The following PIGQ variants were observed in gnomAD, a reference collection of about 807,000 sequenced individuals.
PIGQ encodes phosphatidylinositol N-acetylglucosaminyltransferase subunit Q.
In PIGQ, 54 loss-of-function variants were observed where a neutral mutation model predicts 60.3. The ratio of observed to expected loss-of-function variants is 0.90; its 90% CI spans 0.72 to 1.12. The LOEUF is 1.12. Ranked by LOEUF, PIGQ falls within the 50% of genes most tolerant of loss-of-function variation. The probability of loss-of-function intolerance (pLI) is 0.00; values close to 1 mark genes in which losing one functional copy is unlikely to be tolerated. For missense variants in PIGQ, 799 were observed against 793.5 expected (o/e 1.01, Z -0.08); for synonymous variants, 416 against 363.7 (o/e 1.14, Z -1.64).
rs775378100 is a variant in PIGQ, at chr16:574,395, C to T, written c.321C>T (p.Cys107=). 5.0e-6 allele frequency: 8 copies of T among 1,610,270 alleles called. No individual in the cohort carries two copies. The highest frequency in any genetic ancestry group is 4.5e-5 in the East Asian group (2 of 44,814). ...AGAGAGGCGGCACGTTCTGGAGCTG[C>T]GAGGCCACCCACCGGCAAGCGCCCA... ...CRERGGTFWS[C]EATHRQAPTA... is the part of the protein sequence containing the mutation. The change falls in exon 2 of 11, where the codon TGC becomes TGT. Residue 107 remains cysteine (C), a synonymous_variant. Transcript: ENST00000321878.
At position 578,848 on chromosome 16, in the gene PIGQ, G is replaced by C. The variant is rs1452995669; in HGVS notation, c.1133G>C (p.Cys378Ser). ...HILWHVGLSA[C>S]LGLTVALSLL... is the part of the protein sequence containing the mutation. Reference sequence around the variant, plus strand: ...CTTTGGCACGTGGGCCTCTCGGCCTGCCTGGGCCTGACGGTGGCCCTGTCC... The same window carrying C: ...CTTTGGCACGTGGGCCTCTCGGCCTCCCTGGGCCTGACGGTGGCCCTGTCC... The change falls in exon 6 of 11, where the codon TGC becomes TCC. Residue 378 changes from cysteine to serine, a missense_variant. By Grantham distance (112) the Cys-to-Ser change is moderately radical (BLOSUM62 -1). Transcript: ENST00000321878. 8 of 1,613,658 alleles carry C rather than the reference G, an allele frequency of 5.0e-6. No homozygotes were observed. The highest frequency in any genetic ancestry group is 4.5e-5 in the East Asian group (2 of 44,890).
chr16:581,370 A>C (rs1596387370), intron 9 of PIGQ: 2 of 1,163,736 alleles, frequency 1.7e-6, no homozygotes, highest in Admixed American at 4.0e-5. Flanking sequence ...GTGCCGGAAA[A>C]CCCCGTCCAC....
Position 578,369 on chromosome 16 carries a change from G to A in PIGQ, c.943-10G>A, listed in dbSNP as rs372502282. Reference sequence around the variant, plus strand: ...GCCCCCGCCCCAGCGTGGCCCCTGTGTCCCTGCAGCACGTGGCCGAGGAGC... The same window carrying A: ...GCCCCCGCCCCAGCGTGGCCCCTGTATCCCTGCAGCACGTGGCCGAGGAGC... On this transcript the variant is annotated splice_polypyrimidine_tract_variant and intron_variant, in intron 4 of 10. Coordinates refer to ENST00000321878, the MANE Select transcript of PIGQ (RefSeq NM_004204.5). The A allele has an allele frequency of 1.8e-5, 29 of 1,606,422 alleles. No individual in the cohort carries two copies. Among genetic ancestry groups the A allele is most frequent in the Admixed American group, 6.7e-5 (4 of 59,824 alleles).
At chr16:571,571 CGTGTGTGT>C (rs4006743) in intron 1 of PIGQ, among the ~76,000 whole-genome samples, 4 of 87,298 alleles carry the variant, frequency 4.6e-5, no homozygotes, top group Non-Finnish European at 6.4e-5. Context: ...GCCTGGTGCC[CGTGTGTGT>C]GTGTGTGTGT....
At position 578,897 on chromosome 16, in the gene PIGQ, C is replaced by T. The variant is rs774840585; in HGVS notation, c.1182C>T (p.Leu394=). 5.6e-6 allele frequency: 9 copies of T among 1,613,458 alleles called. No homozygotes were observed. The South Asian group carries it at 9.9e-5, about 18-fold the overall frequency. ...CCCTCCTCTCGGACATTATCGCCCT[C>T]CTCACCTTCCACATCTACTGCTTTT... ...ALSLLSDIIA[L]LTFHIYCFYV... is the part of the protein sequence containing the mutation. Residue 394 remains leucine, a synonymous_variant, in exon 6 of 11, where the codon CTC becomes CTT. Coordinates refer to ENST00000321878, the MANE Select transcript of PIGQ (RefSeq NM_004204.5).
chr16:583,688 GC>G lies in PIGQ; in HGVS notation c.*655del. 2 of 1,598,178 alleles carry G rather than the reference GC, an allele frequency of 1.3e-6. No homozygotes were observed. The highest frequency in any genetic ancestry group is 1.7e-6 in the Non-Finnish European group (2 of 1,170,646). ...CCAGGCTGCTGTGGGGGCGGGAGCA[GC>G]CTCAGTGTCAAGGGCCCGCCCACTG... On this transcript the variant is annotated 3_prime_UTR_variant, in exon 11 of 11. Coordinates refer to ENST00000321878, the MANE Select transcript of PIGQ (RefSeq NM_004204.5).
intron 1 of PIGQ, among the ~76,000 whole-genome samples, chr16:571,772 G>A (rs543981589): frequency 1.2e-4 from 18 of 152,062 alleles, no homozygotes; most frequent in Non-Finnish European, 2.2e-4. Flanking sequence ...GCCGCCGACC[G>A]TCCCAGAGGC....
At chr16:575,210 C>T (rs1345303386) in intron 2 of PIGQ, among the ~76,000 whole-genome samples, 10 of 152,210 alleles carry the variant, frequency 6.6e-5, no homozygotes, top group African/African-American at 2.4e-4. Context: ...CACTTGCTGG[C>T]CCCGTGTGCC....
intron 4 of PIGQ, chr16:576,822 T>C (rs923923834): frequency 1.7e-5 from 5 of 301,628 alleles, no homozygotes; most frequent in Admixed American, 1.0e-4. Flanking sequence ...CCATGCTGCC[T>C]CTGGGCCTTC....
At chr16:579,263 AG>A (rs927914517) in intron 7 of PIGQ, 83 bp downstream of exon 7, 3 of 1,104,174 alleles carry the variant, frequency 2.7e-6, no homozygotes, top group Admixed American at 3.7e-5. Context: ...GGGCACCACA[AG>A]GGGGCAGCCT....
Position 583,379 on chromosome 16 carries a change from A to G in PIGQ, c.*344A>G. On this transcript the variant is annotated 3_prime_UTR_variant, in exon 11 of 11. Coordinates refer to ENST00000321878, the MANE Select transcript of PIGQ (RefSeq NM_004204.5). ...GTACCCAGGTCCAGAGGGTCCGTCC[A>G]CCACAGCAGCCCCAGGTGGAGGGCT... The G allele has an allele frequency of 6.2e-7, 1 of 1,612,420 alleles. No individual in the cohort carries two copies. The highest frequency in any genetic ancestry group is 8.5e-7 in the Non-Finnish European group (1 of 1,179,718).
Position 576,549 on chromosome 16 carries a change from T to C in PIGQ, c.942+295T>C, listed in dbSNP as rs114839511. ...TCCCTGTGGGCCCAGCGTCCTGGTATCTCCCTTGTGGTCCCTGAGATCAGC... is the reference window on the plus strand; with the variant it reads ...TCCCTGTGGGCCCAGCGTCCTGGTACCTCCCTTGTGGTCCCTGAGATCAGC... On this transcript the variant is annotated intron_variant, in intron 4 of 10. Coordinates refer to ENST00000321878, the MANE Select transcript of PIGQ (RefSeq NM_004204.5). 1,295 of 555,588 alleles carry C rather than the reference T, an allele frequency of 2.3e-3. 16 individuals carry two copies. The highest frequency in any genetic ancestry group is 0.022 in the African/African-American group (1,179 of 53,180). 34.4% of individuals were successfully genotyped at this position (555,588 alleles called of 1,614,324 possible).
intron 5 of PIGQ, 80 bp downstream of exon 5, chr16:578,585 T>C (rs1384881042): frequency 1.3e-6 from 2 of 1,510,886 alleles, no homozygotes; most frequent in African/African-American, 1.4e-5. Flanking sequence ...CCCCGCCCCC[T>C]GTGCCCCCAA....
intron 10 of PIGQ, 156 bp downstream of exon 10, chr16:582,465 C>G (rs2035829745): frequency 1.6e-6 from 1 of 609,982 alleles, no homozygotes; most frequent in South Asian, 2.1e-5. Flanking sequence ...ACGCGGGACC[C>G]CCTCCCCCTT....
At chr16:582,367 G>C in intron 10 of PIGQ, 58 bp downstream of exon 10, 2 of 1,271,608 alleles carry the variant, frequency 1.6e-6, no homozygotes, top group Non-Finnish European at 2.2e-6. Context: ...TGGGACGGTG[G>C]GGTCAGCTGG....
At chr16:575,450 T>A (rs1475380589) in intron 2 of PIGQ, among the ~76,000 whole-genome samples, 3 of 152,126 alleles carry the variant, frequency 2.0e-5, no homozygotes, top group Non-Finnish European at 4.4e-5. Flanking sequence ...GGGTGCATAC[T>A]CTGGAAGCCT....
chr16:572,946 C>G (rs2035658399), intron 1 of PIGQ, among the ~76,000 whole-genome samples: 1 of 152,238 alleles, frequency 6.6e-6, no homozygotes, highest in Admixed American at 6.5e-5. Flanking sequence ...GGTGGCCGCT[C>G]CACTCTTCGT....
intron 3 of PIGQ, 29 bp downstream of exon 3, chr16:575,999 C>T: frequency 6.4e-7 from 1 of 1,567,120 alleles, no homozygotes; most frequent in Non-Finnish European, 8.6e-7. Context: ...CTCTGCAGGG[C>T]TGGGTGCGTG....
rs1347755126 is a variant in PIGQ at position 577,333 on chromosome 16, T to G, written c.943-1046T>G. On this transcript the variant is annotated intron_variant, in intron 4 of 10. Transcript: ENST00000321878. ...TGGCTCATGCCTGTAATCCCAGCACTTTGGGAGGCCAAGGCGGGCGGATCA... is the reference window on the plus strand; with the variant it reads ...TGGCTCATGCCTGTAATCCCAGCACGTTGGGAGGCCAAGGCGGGCGGATCA... 2.0e-5 allele frequency: 3 copies of G among 152,316 alleles called. No individual in the cohort carries two copies. In the East Asian group the frequency reaches 5.8e-4, roughly 29 times the overall value. 9.4% of individuals were successfully genotyped at this position (152,316 alleles called of 1,614,324 possible).
Sources: allele counts gnomAD v4.1 joint callset (sites outside exome capture counted in the v4.1 genomes callset), GRCh38; gene constraint gnomAD v4.1.1; transcripts MANE v1.5; gene names NCBI Gene and HGNC (gene_info 2026-07-23, HGNC 2026-07-21).